The following AFDN variants were observed in gnomAD, a reference collection of about 807,000 sequenced individuals.
AFDN encodes afadin, adherens junction formation factor.
Under a neutral mutation model 216.6 loss-of-function variants are expected in AFDN, and 68 were observed. The observed-to-expected ratio is 0.31, with a 90% CI of 0.26 to 0.38. The LOEUF (loss-of-function observed/expected upper bound fraction) is 0.38. AFDN is among the 10% of genes least tolerant of loss of function. The pLI is 1.00. For missense variants in AFDN, 2,136 were observed against 2,342.0 expected (o/e 0.91, Z 1.82); for synonymous variants, 868 against 853.7 (o/e 1.02, Z -0.29).
chr6:167,943,850 C>A, intron 25 of AFDN, 91 bp from the exon 26 acceptor site: 3 of 1,067,652 alleles, frequency 2.8e-6, no homozygotes, highest in Non-Finnish European at 4.3e-6. Context: ...AGCTGTGTAA[C>A]ATGATTTTCC....
At chr6:167,869,467 G>A (rs1299827925) in intron 2 of AFDN, among the ~76,000 whole-genome samples, 1 of 152,220 alleles carries the variant, frequency 6.6e-6, no homozygotes, top group Non-Finnish European at 1.5e-5. Context: ...TCAAAGAACA[G>A]TTGAAGGTTT....
At chr6:167,855,251 C>T (rs190943223) in intron 1 of AFDN, among the ~76,000 whole-genome samples, 10 of 152,064 alleles carry the variant, frequency 6.6e-5, no homozygotes, top group South Asian at 2.1e-4. Flanking sequence ...AATTGTTTTT[C>T]GTGTGCTTGA....
In AFDN at chr6:167,938,720, T is replaced by C. The variant is rs377704148; in HGVS notation, c.3100-4409T>C. 3.0e-4 allele frequency among the ~76,000 whole-genome samples: 46 copies of C among 152,258 alleles called. 1 individual carries two copies. The South Asian group carries it at 4.1e-3, about 14-fold the overall frequency. ...TTCAGCTTGCACGTTGGCTGTCTGC[T>C]TGTATAGGGTGGCTAGGAAGGAAAA... On this transcript the variant is annotated intron_variant, in intron 23 of 33. Transcript: ENST00000683244.
intron 31 of AFDN, chr6:167,964,075 G>C: frequency 9.4e-7 from 1 of 1,064,354 alleles, no homozygotes; most frequent in Non-Finnish European, 1.1e-6. Context: ...TTTTTCCTGT[G>C]CTGAGAAACT....
At chr6:167,859,781 GTT>G (rs375813172) in intron 1 of AFDN, among the ~76,000 whole-genome samples, 3 of 109,534 alleles carry the variant, frequency 2.7e-5, no homozygotes, top group African/African-American at 3.0e-5. Context: ...TGTTATTGTT[GTT>G]TTTTTTTTTT....
chr6:167,884,023 G>A (rs750209378), intron 6 of AFDN, among the ~76,000 whole-genome samples: 58 of 152,148 alleles, frequency 3.8e-4, no homozygotes, highest in Non-Finnish European at 7.1e-4. Context: ...GAAATCCTTT[G>A]TTTTCATTTC....
chr6:167,837,498 C>T (rs1780582108), intron 1 of AFDN, among the ~76,000 whole-genome samples: 1 of 151,764 alleles, frequency 6.6e-6, no homozygotes, highest in Non-Finnish European at 1.5e-5. Context: ...GTTTCTTAAC[C>T]AGCCATGCAT....
Position 167,890,958 on chromosome 6 carries a change from G to T in AFDN, c.1106G>T (p.Arg369Ile), listed in dbSNP as rs749469430. 16 of 1,614,152 alleles carry T rather than the reference G, an allele frequency of 9.9e-6. No individual in the cohort carries two copies. Among genetic ancestry groups the T allele is most frequent in the Middle Eastern group, 1.7e-4 (1 of 6,060 alleles). Reference protein sequence around the residue: ...LEGKTPKGKERADGSGYGSTL... With the variant: ...LEGKTPKGKEIADGSGYGSTL... ...GGCAAGACACCCAAGGGAAAGGAGA[G>T]AGCTGACGGGTCTGGCTATGGCTCC... is the stretch of plus-strand genomic sequence containing the variant. The change falls in exon 8 of 34, where the codon AGA (arginine) becomes ATA (isoleucine). Residue 369 changes from arginine (R) to isoleucine (I), a missense_variant. By Grantham distance (97) the Arg-to-Ile change is moderately conservative. Transcript: ENST00000683244.
At chr6:167,925,178 T>C (rs925984903) in intron 23 of AFDN, 87 bp downstream of exon 23, 4 of 916,748 alleles carry the variant, frequency 4.4e-6, no homozygotes, top group Non-Finnish European at 7.2e-6. Context: ...GTGGGAGTAC[T>C]TTACCACCTG....
chr6:167,968,886 G>A (rs140508033), intron 32 of AFDN: 24 of 486,968 alleles, frequency 4.9e-5, no homozygotes, highest in African/African-American at 2.5e-4. Flanking sequence ...AGTGAAGGGC[G>A]TCAGGTCAAC....
chr6:167,889,860 A>T (rs1223394444), intron 7 of AFDN, among the ~76,000 whole-genome samples: 1 of 152,224 alleles, frequency 6.6e-6, no homozygotes, highest in East Asian at 1.9e-4. Context: ...AGTAGTAGAA[A>T]ACACATTTCA....
intron 11 of AFDN, among the ~76,000 whole-genome samples, chr6:167,902,065 C>T (rs994663687): frequency 2.0e-5 from 3 of 146,544 alleles, no homozygotes; most frequent in African/African-American, 7.6e-5. Flanking sequence ...TGTACTCCAG[C>T]CTGGGCAACA....
At chr6:167,893,341 T>G (rs1787846496) in intron 8 of AFDN, among the ~76,000 whole-genome samples, 1 of 152,184 alleles carries the variant, frequency 6.6e-6, no homozygotes, top group Non-Finnish European at 1.5e-5. Flanking sequence ...TACATAATGA[T>G]TTGTTATGAA....
intron 21 of AFDN, among the ~76,000 whole-genome samples, chr6:167,921,445 C>T (rs1206228754): frequency 6.6e-6 from 1 of 152,206 alleles, no homozygotes; most frequent in East Asian, 1.9e-4. Flanking sequence ...TCTTTCATGA[C>T]ATCAGTGTTT....
chr6:167,963,102 A>C lies in AFDN; in HGVS notation c.4968+535A>C, dbSNP rs986213340. ...TAGTATGTAATCCAGTAAATATCCT[A>C]AGTTATTTATTTTCATGTGTGTGTG... On this transcript the variant is annotated intron_variant, in intron 31 of 33. Coordinates refer to ENST00000683244, the MANE Select transcript of AFDN (RefSeq NM_001386888.1). 4.7e-6 allele frequency: 5 copies of C among 1,068,078 alleles called. No homozygotes were observed. In the African/African-American group the frequency reaches 8.2e-5, roughly 17 times the overall value. 66.2% of individuals were successfully genotyped at this position (1,068,078 alleles called of 1,614,324 possible).
At position 167,965,877 on chromosome 6, in the gene AFDN, C is replaced by T. The variant is rs768197140; in HGVS notation, c.5089C>T (p.Arg1697Trp). The stretch of plus-strand genomic sequence containing the variant: ...CGGTCTGTGCCGCCCTCCGCTTCCC[C>T]GGGACTACGAGCCCCCGTCCCCGTC... ...APGLCRPPLP[R>W]DYEPPSPSPA... is the part of the protein sequence containing the mutation. The change falls in exon 32 of 34, where the codon CGG becomes TGG. Residue 1697 changes from arginine to tryptophan, a missense_variant. Around this residue, in one of 8 missense-constraint regions of AFDN, gnomAD observed 981 missense variants for 966.0 expected, o/e 1.02. Transcript: ENST00000683244. 1.4e-3 allele frequency: 2,163 copies of T among 1,548,814 alleles called. 2 individuals carry two copies. The highest frequency in any genetic ancestry group is 1.8e-3 in the Non-Finnish European group (2,087 of 1,146,456).
intron 1 of AFDN, among the ~76,000 whole-genome samples, chr6:167,828,914 G>T (rs1779523788): frequency 6.6e-6 from 1 of 151,162 alleles, no homozygotes; most frequent in South Asian, 2.1e-4. Flanking sequence ...ATAGTTCATT[G>T]ATTTAATTAA....
intron 31 of AFDN, chr6:167,963,196 T>C: frequency 3.8e-6 from 4 of 1,065,946 alleles, no homozygotes; most frequent in Non-Finnish European, 4.5e-6. Flanking sequence ...TTCTGAGAAA[T>C]GGGGATTTTG....
At chr6:167,931,476 A>G (rs967600153) in intron 23 of AFDN, among the ~76,000 whole-genome samples, 1 of 152,196 alleles carries the variant, frequency 6.6e-6, no homozygotes, top group African/African-American at 2.4e-5. Flanking sequence ...GGAAATAAAG[A>G]AAATGGCCTG....
Sources: allele counts gnomAD v4.1 joint callset (sites outside exome capture counted in the v4.1 genomes callset), GRCh38; gene constraint gnomAD v4.1.1; regional missense constraint gnomAD v4.1.1; transcripts MANE v1.5; gene names NCBI Gene and HGNC (gene_info 2026-07-23, HGNC 2026-07-21).